PAPPA2: variants seen among roughly 807,000 people sequenced by gnomAD.
The protein encoded by PAPPA2 is pappalysin-2.
PAPPA2 carries 86 observed loss-of-function variants against 176.4 expected under a neutral mutation model. The observed-to-expected ratio is 0.49, with a 90% CI of 0.41 to 0.58. The LOEUF is 0.58. Ranked by LOEUF, PAPPA2 falls within the 20% of genes least tolerant of loss-of-function variation. The probability of loss-of-function intolerance (pLI) is 0.00; values close to 1 mark genes in which losing one functional copy is unlikely to be tolerated. For missense variants in PAPPA2, 2,073 were observed against 2,256.9 expected, an observed-to-expected ratio of 0.92 and a Z score of 1.65; for synonymous variants, 809 against 852.2, an observed-to-expected ratio of 0.95 and a Z score of 0.88.
chr1:176,469,859 T>C (rs1651792776), intron 1 of PAPPA2, among the ~76,000 whole-genome samples: 1 of 152,186 alleles, frequency 6.6e-6, no homozygotes, highest in African/African-American at 2.4e-5. Context: ...CGTGGTTCCC[T>C]GAGCTCTTTG....
intron 2 of PAPPA2, among the ~76,000 whole-genome samples, chr1:176,592,043 AT>A (rs1420929116): frequency 6.6e-6 from 1 of 152,200 alleles, no homozygotes; most frequent in African/African-American, 2.4e-5. Context: ...AATAGTCTGT[AT>A]TTGTGAAAGC....
chr1:176,493,902 CTTAG>C (rs929543305), intron 1 of PAPPA2, among the ~76,000 whole-genome samples: 5 of 152,230 alleles, frequency 3.3e-5, no homozygotes, highest in African/African-American at 9.6e-5. Flanking sequence ...GCAGAAACAT[CTTAG>C]TTAGAGAATT....
intron 2 of PAPPA2, among the ~76,000 whole-genome samples, chr1:176,576,093 A>G (rs772521956): frequency 2.0e-5 from 3 of 152,118 alleles, no homozygotes. Context: ...CTTAACAATG[A>G]TTCCTAGAAG....
At chr1:176,474,526 G>T (rs751097334) in intron 1 of PAPPA2, among the ~76,000 whole-genome samples, 2 of 152,146 alleles carry the variant, frequency 1.3e-5, no homozygotes, top group Non-Finnish European at 2.9e-5. Flanking sequence ...CACAATGGTG[G>T]TGATGGCAGT....
chr1:176,798,731 C>T (rs1040972121), intron 20 of PAPPA2, among the ~76,000 whole-genome samples: 1 of 152,210 alleles, frequency 6.6e-6, no homozygotes, highest in African/African-American at 2.4e-5. Flanking sequence ...GTAGGCTGAA[C>T]ACCCCTTTTG....
At chr1:176,491,278 G>C (rs540622642) in intron 1 of PAPPA2, among the ~76,000 whole-genome samples, 1 of 152,328 alleles carries the variant, frequency 6.6e-6, no homozygotes, top group South Asian at 2.1e-4. Context: ...TCTGATGTAT[G>C]TCATGCACTA....
chr1:176,633,904 C>T (rs1376592240), intron 3 of PAPPA2, among the ~76,000 whole-genome samples: 3 of 152,180 alleles, frequency 2.0e-5, no homozygotes, highest in Admixed American at 1.3e-4. Flanking sequence ...TATCATCTCA[C>T]ACCAGTTAGA....
rs1383124536 is a variant in PAPPA2, at chr1:176,765,777, C to T, written c.4263C>T (p.Ile1421=). The change falls in exon 15 of 23, where the codon ATC becomes ATT. Residue 1421 remains isoleucine, a synonymous_variant. Transcript: ENST00000367662. The part of the protein sequence containing the change: ...SIGPGLMKCA[I]TCQRGFALQA... ...GCCCAGGTCTCATGAAGTGTGCTAT[C>T]ACTTGTCAAAGGGGATTTGCCCTTC... 6.2e-7 allele frequency: 1 copy of T among 1,614,108 alleles called. No individual in the cohort carries two copies.
chr1:176,484,169 C>T (rs1436016313), intron 1 of PAPPA2, among the ~76,000 whole-genome samples: 1 of 152,200 alleles, frequency 6.6e-6, no homozygotes, highest in African/African-American at 2.4e-5. Context: ...TCAATCCGTT[C>T]TCCTCCTATG....
At chr1:176,567,812 A>T (rs1652076231) in intron 2 of PAPPA2, among the ~76,000 whole-genome samples, 2 of 152,238 alleles carry the variant, frequency 1.3e-5, no homozygotes. Context: ...GAGAGCTGGT[A>T]ACCAGAGAAA....
intron 21 of PAPPA2, among the ~76,000 whole-genome samples, chr1:176,834,550 T>C (rs927662973): frequency 6.6e-6 from 1 of 152,190 alleles, no homozygotes; most frequent in Non-Finnish European, 1.5e-5. Flanking sequence ...GATTGGAGCA[T>C]AGTGTTGCTT....
intron 1 of PAPPA2, among the ~76,000 whole-genome samples, chr1:176,526,009 C>T (rs993524935): frequency 2.6e-5 from 4 of 152,154 alleles, no homozygotes; most frequent in Admixed American, 6.5e-5. Context: ...AAAAGCTGCC[C>T]AGTGACCTGA....
intron 1 of PAPPA2, among the ~76,000 whole-genome samples, chr1:176,525,543 C>T (rs866279744): frequency 2.6e-5 from 4 of 152,156 alleles, no homozygotes; most frequent in Admixed American, 1.3e-4. Context: ...ACCTTAGAAT[C>T]ACCTGGAGAA....
chr1:176,623,857 T>G (rs1655852893), intron 3 of PAPPA2, among the ~76,000 whole-genome samples: 1 of 149,100 alleles, frequency 6.7e-6, no homozygotes, highest in South Asian at 2.1e-4. Flanking sequence ...CTCCTCTTTC[T>G]TTCTACAAGG....
At chr1:176,659,301 G>GGGA (rs1305783875) in intron 3 of PAPPA2, among the ~76,000 whole-genome samples, 3 of 152,012 alleles carry the variant, frequency 2.0e-5, no homozygotes, top group Admixed American at 1.3e-4. Flanking sequence ...AGGGCTGTGA[G>GGGA]GGAGATTCTG....
At chr1:176,735,418 T>A (rs1182226378) in intron 12 of PAPPA2, among the ~76,000 whole-genome samples, 1 of 152,058 alleles carries the variant, frequency 6.6e-6, no homozygotes, top group Non-Finnish European at 1.5e-5. Flanking sequence ...TGTGGTAGAG[T>A]TTCAGGATCT....
At chr1:176,766,059 A>G (rs1302700198) in intron 15 of PAPPA2, among the ~76,000 whole-genome samples, 1 of 152,162 alleles carries the variant, frequency 6.6e-6, no homozygotes, top group Non-Finnish European at 1.5e-5. Flanking sequence ...AGTAAAGGGC[A>G]ATGCTTATTC....
intron 1 of PAPPA2, among the ~76,000 whole-genome samples, chr1:176,508,697 C>A (rs1253254215): frequency 6.6e-6 from 1 of 152,092 alleles, no homozygotes; most frequent in Non-Finnish European, 1.5e-5. Flanking sequence ...GGAGTGACCT[C>A]GTGGGAAATG....
At chr1:176,751,491 A>G (rs1663172374) in intron 14 of PAPPA2, among the ~76,000 whole-genome samples, 1 of 119,060 alleles carries the variant, frequency 8.4e-6, no homozygotes, top group South Asian at 3.3e-4. Flanking sequence ...AAACAAATTT[A>G]CAAGAAAAAA....
Sources: gnomAD v4.1 joint callset for allele counts (sites outside exome capture counted in the v4.1 genomes callset) on GRCh38, gnomAD v4.1.1 for gene constraint, MANE v1.5 for transcripts, NCBI Gene and HGNC (gene_info 2026-07-23, HGNC 2026-07-21) for gene names.